AP1M1: variants seen among roughly 807,000 people sequenced by gnomAD.
The protein encoded by AP1M1 is AP-1 complex subunit mu-1.
Under a neutral mutation model 57.1 loss-of-function variants are expected in AP1M1, and 18 were observed. The observed-to-expected ratio is 0.32, with a 90% CI of 0.22 to 0.47. The LOEUF (loss-of-function observed/expected upper bound fraction) is 0.47. AP1M1 is among the 20% of genes least tolerant of loss of function. The pLI, the probability that AP1M1 is intolerant of heterozygous loss-of-function variation, is 1.00. For missense variants in AP1M1, 362 were observed against 593.5 expected, an observed-to-expected ratio of 0.61 and a Z score of 4.05; for synonymous variants, 241 against 237.9, an observed-to-expected ratio of 1.01 and a Z score of -0.12.
At position 16,240,155 on chromosome 19, in the gene AP1M1, T is replaced by C. The variant is rs956392040; in HGVS notation, c.*5720T>C. The C allele has an allele frequency of 6.6e-6, 1 of 152,132 alleles. No homozygotes were observed. Among genetic ancestry groups the C allele is most frequent in the African/African-American group, 2.4e-5 (1 of 41,426 alleles). The allele number at this position is 152,132 out of a possible 1,614,324, so 9.4% of individuals were successfully genotyped here. On this transcript the variant is annotated 3_prime_UTR_variant, in exon 12 of 12. Transcript: ENST00000291439. ...TAGGATATATGCAAATATTGTGCCA[T>C]TTTATATAAAAGACTTGAGCATCCT...
chr19:16,221,419 T>C (rs995639054), intron 5 of AP1M1, among the ~76,000 whole-genome samples: 1 of 152,266 alleles, frequency 6.6e-6, no homozygotes, highest in Non-Finnish European at 1.5e-5. Flanking sequence ...TTATCCCTTA[T>C]GCAGCTTGTC....
chr19:16,221,304 A>G (rs1219953855), intron 5 of AP1M1, among the ~76,000 whole-genome samples: 1 of 152,244 alleles, frequency 6.6e-6, no homozygotes, highest in East Asian at 1.9e-4. Context: ...CAGCATTCAA[A>G]CAAAAAGTTT....
At position 16,203,458 on chromosome 19, in the gene AP1M1, G is replaced by C; in HGVS notation, c.43-1G>C. 1 of 1,614,164 alleles carries C rather than the reference G, an allele frequency of 6.2e-7. No individual in the cohort carries two copies. The highest frequency in any genetic ancestry group is 8.5e-7 in the Non-Finnish European group (1 of 1,180,036). ...TCTTTTCTCTTCCTTCCCCACCCCA[G>C]GTGCTCATCTGCCGGAACTACCGTG... is the stretch of plus-strand genomic sequence containing the variant. On this transcript the variant is annotated splice_acceptor_variant, in intron 1 of 11. Coordinates refer to ENST00000291439, the MANE Select transcript of AP1M1 (RefSeq NM_032493.4). LOFTEE classifies it high-confidence loss of function. This position sits in a 1 kb window ranked among gnomAD's most constrained non-coding sequence, Gnocchi z 4.6.
rs550578052 is a variant in AP1M1 at position 16,243,432 on chromosome 19, C to CTTTTTTTTTTTTTTTTTTTTTTTTTTT, written c.*8998_*8999insTTTTTTTTTTTTTTTTTTTTTTTTTTT. 8.0e-6 allele frequency: 1 copy of CTTTTTTTTTTTTTTTTTTTTTTTTTTT among 124,266 alleles called. No homozygotes were observed. Among genetic ancestry groups the CTTTTTTTTTTTTTTTTTTTTTTTTTTT allele is most frequent in the African/African-American group, 3.1e-5 (1 of 31,862 alleles). 7.7% of individuals were successfully genotyped at this position (124,266 alleles called of 1,614,324 possible). ...TACAGGTGAGCACCACCAAGCTCAG[C>CTTTTTTTTTTTTTTTTTTTTTTTTTTT]TATTTTTTTTTTTTTTTTGTATTTT... On this transcript the variant is annotated 3_prime_UTR_variant, in exon 12 of 12. Transcript: ENST00000291439.
chr19:16,214,477 G>A (rs1361694460), intron 5 of AP1M1, among the ~76,000 whole-genome samples: 1 of 150,084 alleles, frequency 6.7e-6, no homozygotes, highest in African/African-American at 2.5e-5. Context: ...TTAGCCTCCC[G>A]AGTAGCTGGG....
intron 5 of AP1M1, among the ~76,000 whole-genome samples, chr19:16,223,376 T>G (rs1286817888): frequency 6.6e-6 from 1 of 152,184 alleles, no homozygotes; most frequent in East Asian, 1.9e-4. Flanking sequence ...ATAAACCACT[T>G]CATGGGGTGA....
rs1388245878 is a variant in AP1M1 at position 16,207,101 on chromosome 19, A to G, written c.267+693A>G. 6.6e-6 allele frequency among the ~76,000 whole-genome samples: 1 copy of G among 152,206 alleles called. No individual in the cohort carries two copies. Among genetic ancestry groups the G allele is most frequent in the African/African-American group, 2.4e-5 (1 of 41,456 alleles). The stretch of plus-strand genomic sequence containing the variant: ...CTGAGCAGAAGGAGGACTTGAGGCC[A>G]GTGAGGAGGCTGCTGCTGGCTTCCC... On this transcript the variant is annotated intron_variant, in intron 3 of 11. Coordinates refer to ENST00000291439, the MANE Select transcript of AP1M1 (RefSeq NM_032493.4). The surrounding 1 kb of genome is among the most constrained non-coding windows in gnomAD (Gnocchi z 4.2).
In AP1M1 at chr19:16,208,581, C is replaced by T. The variant is rs528927491; in HGVS notation, c.398+432C>T. Among the ~76,000 whole-genome samples the T allele has an allele frequency of 2.6e-5, 4 of 152,284 alleles. No homozygotes were observed. The South Asian group carries it at 6.2e-4, about 24-fold the overall frequency. On this transcript the variant is annotated intron_variant, in intron 4 of 11. Coordinates refer to ENST00000291439, the MANE Select transcript of AP1M1 (RefSeq NM_032493.4). ...TTCACAGCCTCCCCGTATACCGTCT[C>T]CCCATTTTACAGGGGACAAGCAAGC... is the stretch of plus-strand genomic sequence containing the variant.
In AP1M1 at chr19:16,215,194, C is replaced by CAGGGGCGGGGGGGGGGGGGGGGGGGGGG. The variant is rs1568350995; in HGVS notation, c.546+6017_546+6018insAGGGGCGGGGGGGGGGGGGGGGGGGGGG. Among the ~76,000 whole-genome samples, 2 of 1,922 alleles carry CAGGGGCGGGGGGGGGGGGGGGGGGGGGG rather than the reference C, an allele frequency of 1.0e-3. 1 individual carries two copies. The highest frequency in any genetic ancestry group is 9.2e-3 in the Admixed American group (2 of 218). 1.3% of individuals were successfully genotyped at this position (1,922 alleles called of 152,430 possible). A position where few individuals can be genotyped will look rare whatever the true frequency, so the allele number is the denominator to read the frequency against. ...ATCCCAGCACTTTGGGAGGCTAAGG[C>CAGGGGCGGGGGGGGGGGGGGGGGGGGGG]GGGGGCGGGGGGGGGGGAGAGGGGG... On this transcript the variant is annotated intron_variant, in intron 5 of 11. Coordinates refer to ENST00000291439, the MANE Select transcript of AP1M1 (RefSeq NM_032493.4).
chr19:16,231,085 A>G (rs933931563), intron 9 of AP1M1, among the ~76,000 whole-genome samples: 47 of 152,000 alleles, frequency 3.1e-4, no homozygotes, highest in Admixed American at 8.5e-4. Context: ...TCAGGAGATC[A>G]AGACCATCCT....
rs1196439177 is a variant in AP1M1, at chr19:16,235,065, G to A, written c.*630G>A. 6.5e-6 allele frequency: 1 copy of A among 153,084 alleles called. No individual in the cohort carries two copies. The highest frequency in any genetic ancestry group is 1.5e-5 in the Non-Finnish European group (1 of 68,670). 9.5% of individuals were successfully genotyped at this position (153,084 alleles called of 1,614,324 possible). A position where few individuals can be genotyped will look rare whatever the true frequency, so the allele number is the denominator to read the frequency against. ...TCGAGGCTGGCACCTGGCGCGCTCGGGGGCCACTGTAGCGTCTGCCTGCTC... is the reference window on the plus strand; with the variant it reads ...TCGAGGCTGGCACCTGGCGCGCTCGAGGGCCACTGTAGCGTCTGCCTGCTC... On this transcript the variant is annotated 3_prime_UTR_variant, in exon 12 of 12. Transcript: ENST00000291439.
At chr19:16,209,271 C>G in intron 5 of AP1M1, 94 bp downstream of exon 5, 1 of 1,420,718 alleles carries the variant, frequency 7.0e-7, no homozygotes. Flanking sequence ...CCCCGAGAGC[C>G]GTTCTGTGTG....
At position 16,244,255 on chromosome 19, in the gene AP1M1, C is replaced by T. The variant is rs934396222; in HGVS notation, c.*9820C>T. On this transcript the variant is annotated 3_prime_UTR_variant, in exon 12 of 12. Coordinates refer to ENST00000291439, the MANE Select transcript of AP1M1 (RefSeq NM_032493.4). ...AATCAGAGACCCAGCAAAAGTATTTCAAGAATGAGGTTACAGTAAAAACAT... is the reference window on the plus strand; with the variant it reads ...AATCAGAGACCCAGCAAAAGTATTTTAAGAATGAGGTTACAGTAAAAACAT... 2.0e-5 allele frequency: 3 copies of T among 152,158 alleles called. No individual in the cohort carries two copies. The highest frequency in any genetic ancestry group is 7.2e-5 in the African/African-American group (3 of 41,442). 9.4% of individuals were successfully genotyped at this position (152,158 alleles called of 1,614,324 possible). A position where few individuals can be genotyped will look rare whatever the true frequency, so the allele number is the denominator to read the frequency against.
chr19:16,224,038 G>A (rs1487345901), intron 5 of AP1M1, among the ~76,000 whole-genome samples: 2 of 152,240 alleles, frequency 1.3e-5, no homozygotes, highest in Admixed American at 1.3e-4. Context: ...GTGCACTTGG[G>A]TGTCTCCGTG....
At position 16,243,021 on chromosome 19, in the gene AP1M1, C is replaced by G. The variant is rs1157140595; in HGVS notation, c.*8586C>G. 1 of 152,048 alleles carries G rather than the reference C, an allele frequency of 6.6e-6. No homozygotes were observed. Among genetic ancestry groups the G allele is most frequent in the African/African-American group, 2.4e-5 (1 of 41,374 alleles). The allele number at this position is 152,048 out of a possible 1,614,324, so 9.4% of individuals were successfully genotyped here. A position where few individuals can be genotyped will look rare whatever the true frequency, so the allele number is the denominator to read the frequency against. ...CCTGACCTCAGGTGATCCACCCCCA[C>G]TGGCCTCCCAAAGTGCTAGTGGCAG... On this transcript the variant is annotated 3_prime_UTR_variant, in exon 12 of 12. Transcript: ENST00000291439.
rs912674833 is a variant in AP1M1, at chr19:16,237,848, A to AT, written c.*3424dup. On this transcript the variant is annotated 3_prime_UTR_variant, in exon 12 of 12. Transcript: ENST00000291439. ...CATCATGTCGGCCCCCCCCAAAAAA[A>AT]TTTTTTTTTTTGAGACAGGGTCTTG... is the stretch of plus-strand genomic sequence containing the variant. 34 of 148,342 alleles carry AT rather than the reference A, an allele frequency of 2.3e-4. No individual in the cohort carries two copies. The highest frequency in any genetic ancestry group is 6.5e-4 in the South Asian group (3 of 4,650). The allele number at this position is 148,342 out of a possible 1,614,324, so 9.2% of individuals were successfully genotyped here.
chr19:16,210,305 C>G (rs980810882), intron 5 of AP1M1: 9 of 696,134 alleles, frequency 1.3e-5, no homozygotes, highest in Admixed American at 2.0e-5. Context: ...AATAGAGTTG[C>G]TAGAAACATG....
chr19:16,208,093 G>C lies in AP1M1; in HGVS notation c.342G>C (p.Leu114=), dbSNP rs143435975. The C allele has an allele frequency of 6.3e-3, 10,130 of 1,613,898 alleles. 49 individuals are homozygous for C. Among genetic ancestry groups the C allele is most frequent in the Non-Finnish European group, 6.8e-3 (8,021 of 1,179,896 alleles). ...RDNFVIIYEL[L]DELMDFGYPQ... Reference sequence around the variant, plus strand: ...ACTTTGTTATCATCTACGAGCTGCTGGACGAGCTCATGGACTTCGGCTACC... The same window carrying C: ...ACTTTGTTATCATCTACGAGCTGCTCGACGAGCTCATGGACTTCGGCTACC... Residue 114 remains leucine, a synonymous_variant, in exon 4 of 12, where the codon CTG becomes CTC. Transcript: ENST00000291439.
intron 5 of AP1M1, among the ~76,000 whole-genome samples, chr19:16,211,186 G>A (rs972492234): frequency 4.7e-5 from 7 of 148,492 alleles, no homozygotes; most frequent in East Asian, 4.2e-4. Context: ...CTCCACCTCC[G>A]GGCTTCAAGT....
Sources: allele counts gnomAD v4.1 joint callset (sites outside exome capture counted in the v4.1 genomes callset), GRCh38; gene constraint gnomAD v4.1.1; non-coding constraint Gnocchi (gnomAD v3.1); transcripts MANE v1.5; gene names NCBI Gene and HGNC (gene_info 2026-07-23, HGNC 2026-07-21).